Variants in SAMD11 observed in about 807,000 individuals in gnomAD.
SAMD11 encodes the protein sterile alpha motif domain-containing protein 11.
SAMD11 carries 77 observed loss-of-function variants against 64.4 expected under a neutral mutation model. That is an observed-to-expected ratio of 1.20 (90% CI 0.99 to 1.44). SAMD11 has a LOEUF of 1.44. Among genes scored for constraint, SAMD11 ranks in the 40% most tolerant of loss-of-function variants. The probability of loss-of-function intolerance (pLI) is 0.00; values close to 1 mark genes in which losing one functional copy is unlikely to be tolerated. For synonymous variants in SAMD11, 658 were observed against 421.9 expected (o/e 1.56, Z -6.86); for missense variants, 1,402 against 943.3 (o/e 1.49, Z -6.37).
Position 935,763 on chromosome 1 carries a change from G to C in SAMD11, c.843-9G>C. 6.2e-7 allele frequency: 1 copy of C among 1,613,226 alleles called. No individual in the cohort carries two copies. The highest frequency in any genetic ancestry group is 8.5e-7 in the Non-Finnish European group (1 of 1,179,742). ...CACGGGGTCAGCTTTTCCCGGTCTC[G>C]TTCTGCAGCCAGGACGGCAACCTTC... On this transcript the variant is annotated splice_polypyrimidine_tract_variant and intron_variant, in intron 4 of 13. Coordinates refer to ENST00000616016, the MANE Select transcript of SAMD11 (RefSeq NM_001385641.1).
chr1:939,589 GC>G, intron 7 of SAMD11, 177 bp downstream of exon 7: 1 of 1,197,714 alleles, frequency 8.3e-7, no homozygotes. Context: ...CACACGTCCT[GC>G]CCCATGCCCC....
intron 4 of SAMD11, among the ~76,000 whole-genome samples, chr1:935,341 G>A (rs1261390407): frequency 1.3e-5 from 2 of 152,264 alleles, no homozygotes; most frequent in Non-Finnish European, 1.5e-5. Context: ...GAAATCGGGG[G>A]TCAGGGGATG....
At chr1:941,633 G>A (rs982925114) in intron 8 of SAMD11, among the ~76,000 whole-genome samples, 1 of 152,160 alleles carries the variant, frequency 6.6e-6, no homozygotes, top group African/African-American at 2.4e-5. Flanking sequence ...GTCCTGGCTG[G>A]CGCTCAAATG....
intron 2 of SAMD11, among the ~76,000 whole-genome samples, chr1:929,329 G>A (rs748861058): frequency 6.6e-6 from 1 of 152,224 alleles, no homozygotes; most frequent in Non-Finnish European, 1.5e-5. Context: ...CAAAGGAGAT[G>A]GGAGAAAGAA....
intron 7 of SAMD11, 167 bp downstream of exon 7, chr1:939,579 C>T: frequency 1.8e-5 from 7 of 388,536 alleles, no homozygotes; most frequent in Non-Finnish European, 2.7e-5. Flanking sequence ...GTCCCTCTGC[C>T]ACACGTCCTG....
intron 8 of SAMD11, 123 bp from the exon 9 acceptor site, chr1:942,013 T>C (rs1641801506): frequency 2.4e-6 from 1 of 410,790 alleles, no homozygotes; most frequent in African/African-American, 2.1e-5. Flanking sequence ...CCTGGGGCCG[T>C]AACGAGCTGC....
At chr1:943,851 T>C (rs747757577) in intron 13 of SAMD11, 43 bp downstream of exon 13, 3 of 1,612,940 alleles carry the variant, frequency 1.9e-6, no homozygotes, top group Admixed American at 1.7e-5. Flanking sequence ...AGACCACAGC[T>C]GGGCAGAAAG....
chr1:939,592 C>A, intron 7 of SAMD11, 180 bp downstream of exon 7: 2 of 693,320 alleles, frequency 2.9e-6, no homozygotes, highest in South Asian at 2.2e-5. Context: ...ACGTCCTGCC[C>A]CATGCCCCCT....
In SAMD11 at chr1:942,415, G is replaced by T; in HGVS notation, c.1480G>T (p.Gly494Cys). The T allele has an allele frequency of 6.8e-7, 1 of 1,465,412 alleles. No homozygotes were observed. Among genetic ancestry groups the T allele is most frequent in the Non-Finnish European group, 9.0e-7 (1 of 1,112,426 alleles). 90.8% of individuals were successfully genotyped at this position (1,465,412 alleles called of 1,614,324 possible). A position where few individuals can be genotyped will look rare whatever the true frequency, so the allele number is the denominator to read the frequency against. The change falls in exon 10 of 14, where the codon GGC (glycine) becomes TGC (cysteine). Residue 494 changes from glycine to cysteine, a missense_variant. Coordinates refer to ENST00000616016, the MANE Select transcript of SAMD11 (RefSeq NM_001385641.1). ...PSALCQTPGYGFLPPAQAEMF... is the reference protein window; with the variant it reads ...PSALCQTPGYCFLPPAQAEMF... ...GTTGTCCCCCTCCCCACCAGGCTAC[G>T]GCTTCCTGCCCCCCGCGCAGGCGGA...
rs551141616 is a variant in SAMD11 at position 943,397 on chromosome 1, C to G, written c.2178+20C>G. The stretch of plus-strand genomic sequence containing the variant: ...ACTCGGGTAAGGGGGGGCCCCAGTT[C>G]CTGGGGCGGGGCTGGAGCTGGCTGG... On this transcript the variant is annotated intron_variant, in intron 12 of 13. Transcript: ENST00000616016. The G allele has an allele frequency of 2.6e-6, 4 of 1,513,818 alleles. No individual in the cohort carries two copies. In the African/African-American group the frequency reaches 4.2e-5, roughly 16 times the overall value. 93.8% of individuals were successfully genotyped at this position (1,513,818 alleles called of 1,614,324 possible).
chr1:942,170 C>G lies in SAMD11; in HGVS notation c.1393C>G (p.Gln465Glu), dbSNP rs766827157. Residue 465 changes from glutamine (Q) to glutamate (E), a missense_variant, in exon 9 of 14, where the codon CAG (glutamine) becomes GAG (glutamate). Physicochemically the swap from Gln to Glu is conservative, Grantham distance 29. Coordinates refer to ENST00000616016, the MANE Select transcript of SAMD11 (RefSeq NM_001385641.1). ...TCAGCCGCCCCCCTTGCTGTCGCCG[C>G]AGAATGCCCCTCACGTCGCCCTGGG... is the stretch of plus-strand genomic sequence containing the variant. ...LPQPPPLLSP[Q>E]NAPHVALGPH... 1.4e-6 allele frequency: 2 copies of G among 1,435,804 alleles called. No homozygotes were observed. The highest frequency in any genetic ancestry group is 1.8e-6 in the Non-Finnish European group (2 of 1,088,660). The allele number at this position is 1,435,804 out of a possible 1,614,324, so 88.9% of individuals were successfully genotyped here.
In SAMD11 at chr1:942,869, G is replaced by A; in HGVS notation, c.1864G>A (p.Asp622Asn). 1 of 1,554,114 alleles carries A rather than the reference G, an allele frequency of 6.4e-7. No individual in the cohort carries two copies. Reference protein sequence around the residue: ...EMTGARLWAQDGSEDEPPKDS... With the variant: ...EMTGARLWAQNGSEDEPPKDS... ...GACGGGGGCTAGGCTCTGGGCACAA[G>A]ATGGCTCGGAAGACGAGCCCCCCAA... is the stretch of plus-strand genomic sequence containing the variant. Residue 622 changes from aspartate to asparagine, a missense_variant, in exon 11 of 14, where the codon GAT becomes AAT. Coordinates refer to ENST00000616016, the MANE Select transcript of SAMD11 (RefSeq NM_001385641.1).
Position 944,345 on chromosome 1 carries a change from A to G in SAMD11, c.*192A>G. The G allele has an allele frequency of 2.2e-6, 3 of 1,372,940 alleles. No homozygotes were observed. The highest frequency in any genetic ancestry group is 2.8e-6 in the Non-Finnish European group (3 of 1,070,630). The allele number at this position is 1,372,940 out of a possible 1,614,324, so 85.0% of individuals were successfully genotyped here. A position where few individuals can be genotyped will look rare whatever the true frequency, so the allele number is the denominator to read the frequency against. On this transcript the variant is annotated 3_prime_UTR_variant, in exon 14 of 14. Coordinates refer to ENST00000616016, the MANE Select transcript of SAMD11 (RefSeq NM_001385641.1). ...GGAGTGAAGGCAGAGCCTGGTGCAGATGGACGAGGTCTGCAGACGGAGGGC... is the reference window on the plus strand; with the variant it reads ...GGAGTGAAGGCAGAGCCTGGTGCAGGTGGACGAGGTCTGCAGACGGAGGGC...
At position 942,233 on chromosome 1, in the gene SAMD11, G is replaced by A; in HGVS notation, c.1456G>A (p.Ala486Thr). The change falls in exon 9 of 14, where the codon GCT becomes ACT. Residue 486 changes from alanine (A) to threonine (T), a missense_variant. Ala to Thr is a moderately conservative substitution (Grantham distance 58, BLOSUM62 0). Transcript: ENST00000616016. Reference protein sequence around the residue: ...LRPPFLGVPSALCQTPGYGFL... With the variant: ...LRPPFLGVPSTLCQTPGYGFL... ...GCCCCCCTTCCTGGGGGTGCCCTCGGCTCTGTGCCAGACCCCAGGTGAGGA... is the reference window on the plus strand; with the variant it reads ...GCCCCCCTTCCTGGGGGTGCCCTCGACTCTGTGCCAGACCCCAGGTGAGGA... 2 of 1,342,836 alleles carry A rather than the reference G, an allele frequency of 1.5e-6. No individual in the cohort carries two copies. The highest frequency in any genetic ancestry group is 2.9e-5 in the East Asian group (1 of 34,936). 83.2% of individuals were successfully genotyped at this position (1,342,836 alleles called of 1,614,324 possible).
rs1184102164 is a variant in SAMD11 at position 923,939 on chromosome 1, A to G, written c.-493A>G. ...GGCGGCGTCGGCGGCGGAGTCTCCCAAGTCCCCGCCGGGCGGGCGCGCGCC... is the reference window on the plus strand; with the variant it reads ...GGCGGCGTCGGCGGCGGAGTCTCCCGAGTCCCCGCCGGGCGGGCGCGCGCC... On this transcript the variant is annotated 5_prime_UTR_variant, in exon 1 of 14. Transcript: ENST00000616016. 2 of 150,846 alleles carry G rather than the reference A, an allele frequency of 1.3e-5. No individual in the cohort carries two copies. Among genetic ancestry groups the G allele is most frequent in the Non-Finnish European group, 3.0e-5 (2 of 67,524 alleles). The allele number at this position is 150,846 out of a possible 1,614,324, so 9.3% of individuals were successfully genotyped here.
chr1:928,377 G>C lies in SAMD11; in HGVS notation c.610-1778G>C, dbSNP rs1008981709. ...ACCGCACTCCAGCCTGGGCAACAGA[G>C]TGAGACTCCGTCTCAAAAAACTAAA... On this transcript the variant is annotated intron_variant, in intron 2 of 13. Transcript: ENST00000616016. Among the ~76,000 whole-genome samples, 127 of 152,372 alleles carry C rather than the reference G, an allele frequency of 8.3e-4. 1 individual carries two copies. The highest frequency in any genetic ancestry group is 3.0e-3 in the African/African-American group (125 of 41,596).
chr1:943,269 C>G lies in SAMD11; in HGVS notation c.2070C>G (p.Leu690=). 6.2e-7 allele frequency: 1 copy of G among 1,612,882 alleles called. No homozygotes were observed. Reference sequence around the variant, plus strand: ...ACAACTCAGGCGCGGTAGGGGGACTCTCCATGGATGGGGAGGAGGCCCCAG... The same window carrying G: ...ACAACTCAGGCGCGGTAGGGGGACTGTCCATGGATGGGGAGGAGGCCCCAG... The part of the protein sequence containing the change: ...PYFHTGAVGG[L]SMDGEEAPAP... Residue 690 remains leucine, a synonymous_variant, in exon 12 of 14, where the codon CTC becomes CTG. Transcript: ENST00000616016.
Position 943,898 on chromosome 1 carries a change from C to T in SAMD11, c.2290-10C>T. The T allele has an allele frequency of 6.2e-7, 1 of 1,612,990 alleles. No homozygotes were observed. Among genetic ancestry groups the T allele is most frequent in the Non-Finnish European group, 8.5e-7 (1 of 1,179,986 alleles). ...TGTGCGACAGCCCCCACCAGGCCAT[C>T]TCTCTGCAGGTGGCCAGGCGCCTGG... is the stretch of plus-strand genomic sequence containing the variant. On this transcript the variant is annotated splice_polypyrimidine_tract_variant and intron_variant, in intron 13 of 13. Transcript: ENST00000616016.
chr1:931,684 G>A (rs1158622040), intron 4 of SAMD11, among the ~76,000 whole-genome samples: 3 of 152,238 alleles, frequency 2.0e-5, no homozygotes, highest in African/African-American at 7.2e-5. Context: ...GCAGGGCAGT[G>A]ACCAGGTGTA....
Sources: gnomAD v4.1 joint callset for allele counts (sites outside exome capture counted in the v4.1 genomes callset) on GRCh38, gnomAD v4.1.1 for gene constraint, MANE v1.5 for transcripts, NCBI Gene and HGNC (gene_info 2026-07-23, HGNC 2026-07-21) for gene names.